Variants in COL1A2 observed in about 807,000 individuals in gnomAD.
COL1A2 encodes collagen alpha-2(I) chain.
In COL1A2, 49 loss-of-function variants were observed where a neutral mutation model predicts 174.3. The observed-to-expected ratio is 0.28, with a 90% CI of 0.22 to 0.36. The LOEUF is 0.36. Ranked by LOEUF, COL1A2 falls within the 10% of genes least tolerant of loss-of-function variation. The pLI is 1.00. For synonymous variants in COL1A2, 655 were observed against 606.6 expected (o/e 1.08, Z -1.17); for missense variants, 1,438 against 1,822.7 (o/e 0.79, Z 3.84).
intron 41 of COL1A2, chr7:94,424,743 T>C (rs564864339): frequency 2.1e-5 from 10 of 470,372 alleles, no homozygotes; most frequent in Admixed American, 1.4e-4. Context: ...TGGCATCATT[T>C]ATCCTGTAGG....
At chr7:94,410,036 A>T (rs1791886322) in intron 19 of COL1A2, among the ~76,000 whole-genome samples, 1 of 152,212 alleles carries the variant, frequency 6.6e-6, no homozygotes, top group Non-Finnish European at 1.5e-5. Context: ...CCTCAAGGTA[A>T]ATGAGGCAAA....
chr7:94,426,640 A>G (rs1792284573), intron 46 of COL1A2, 110 bp downstream of exon 46: 1 of 881,002 alleles, frequency 1.1e-6, no homozygotes, highest in Admixed American at 2.0e-5. Flanking sequence ...TATAATATCC[A>G]TTTCCCATTC....
chr7:94,408,132 CT>C (rs777270787), intron 13 of COL1A2, 50 bp from the exon 14 acceptor site: 5 of 1,591,438 alleles, frequency 3.1e-6, no homozygotes, highest in East Asian at 2.2e-5. Flanking sequence ...ATGCCTGTGA[CT>C]TTTTTTAAAT....
rs1260773764 is a variant in COL1A2 at position 94,423,464 on chromosome 7, C to T, written c.2565+346C>T. 3.4e-5 allele frequency: 12 copies of T among 357,384 alleles called. No individual in the cohort carries two copies. In the Admixed American group the frequency reaches 4.7e-4, roughly 14 times the overall value. The allele number at this position is 357,384 out of a possible 1,614,324, so 22.1% of individuals were successfully genotyped here. The stretch of plus-strand genomic sequence containing the variant: ...CTCAGTAGGCTACCAATTTCTTAAA[C>T]ATACACTGTCCAGTATTAGTGCTAC... On this transcript the variant is annotated intron_variant, in intron 40 of 51. Transcript: ENST00000297268.
intron 1 of COL1A2, 49 bp from the exon 2 acceptor site, chr7:94,397,699 G>T: frequency 9.5e-7 from 1 of 1,047,280 alleles, no homozygotes; most frequent in Non-Finnish European, 1.5e-6. Context: ...ATTGATCCAT[G>T]AAGTGATACT....
At chr7:94,412,523 TA>T in intron 24 of COL1A2, 60 bp from the exon 25 acceptor site, 1 of 1,306,290 alleles carries the variant, frequency 7.7e-7, no homozygotes, top group Non-Finnish European at 1.1e-6. Flanking sequence ...GGCAGCATCA[TA>T]AGCTTGAGGT....
At chr7:94,411,582 T>A (rs748595187) in intron 23 of COL1A2, among the ~76,000 whole-genome samples, 6 of 152,184 alleles carry the variant, frequency 3.9e-5, no homozygotes, top group Non-Finnish European at 8.8e-5. Context: ...ACACTAGCTA[T>A]GGAGAAATAA....
chr7:94,395,165 C>G (rs1393585195), intron 1 of COL1A2, 64 bp downstream of exon 1: 2 of 1,389,004 alleles, frequency 1.4e-6, no homozygotes, highest in Non-Finnish European at 2.1e-6. Flanking sequence ...GGCACCCTGC[C>G]CTGAAAAGGA....
chr7:94,417,733 G>A lies in COL1A2; in HGVS notation c.1873G>A (p.Gly625Ser), dbSNP rs193922162. 6.3e-7 allele frequency: 1 copy of A among 1,593,010 alleles called. No individual in the cohort carries two copies. The highest frequency in any genetic ancestry group is 8.6e-7 in the Non-Finnish European group (1 of 1,169,024). The change falls in exon 32 of 52, where the codon GGT (glycine) becomes AGT (serine). Residue 625 changes from glycine to serine, a missense_variant. By Grantham distance (56) the Gly-to-Ser change is moderately conservative. Coordinates refer to ENST00000297268, the MANE Select transcript of COL1A2 (RefSeq NM_000089.4). ...PGPDGNKGEP[G>S]VVGAVGTAGP... ...ATGTGTTTGACTCAAGGGTGAACCT[G>A]GTGTGGTTGGTGCTGTGGGCACTGC...
At chr7:94,398,736 G>A (rs1213736466) in intron 3 of COL1A2, among the ~76,000 whole-genome samples, 2 of 151,932 alleles carry the variant, frequency 1.3e-5, no homozygotes, top group Admixed American at 1.3e-4. Context: ...CTATATAAAT[G>A]TGCTGTTAAA....
chr7:94,421,768 G>A, intron 38 of COL1A2, 131 bp from the exon 39 acceptor site: 4 of 774,382 alleles, frequency 5.2e-6, no homozygotes, highest in Non-Finnish European at 9.1e-6. Context: ...CCTATATGAA[G>A]CTGCCTACCT....
chr7:94,407,754 T>A, intron 12 of COL1A2, 93 bp from the exon 13 acceptor site: 3 of 1,075,676 alleles, frequency 2.8e-6, no homozygotes, highest in Non-Finnish European at 4.2e-6. Flanking sequence ...AGTATATGAA[T>A]GGTTCAAAGT....
intron 1 of COL1A2, among the ~76,000 whole-genome samples, chr7:94,396,684 C>T (rs1333623770): frequency 2.0e-5 from 3 of 152,184 alleles, no homozygotes; most frequent in Non-Finnish European, 2.9e-5. Flanking sequence ...CATAATTATT[C>T]TTCCTACTGA....
At chr7:94,405,760 G>C (rs191174282) in intron 11 of COL1A2, 34 bp downstream of exon 11, 1 of 1,572,960 alleles carries the variant, frequency 6.4e-7, no homozygotes, top group Non-Finnish European at 8.8e-7. Flanking sequence ...GAGAGAAAAT[G>C]CCTATTAATT....
At chr7:94,412,711 C>T in intron 25 of COL1A2, 29 bp downstream of exon 25, 1 of 1,594,068 alleles carries the variant, frequency 6.3e-7, no homozygotes, top group African/African-American at 1.3e-5. Flanking sequence ...TTCTTACCCT[C>T]AGCACTTTCT....
At position 94,425,219 on chromosome 7, in the gene COL1A2, C is replaced by T. The variant is rs745363291; in HGVS notation, c.2776C>T (p.Arg926Cys). ...CAACGGTGCTCCTGGTGAAGCTGGT[C>T]GTGATGTGAGTCCAACACTTGGTTT... The part of the protein sequence containing the change: ...GVNGAPGEAG[R>C]DGNPGNDGPP... Residue 926 changes from arginine (R) to cysteine (C), a missense_variant, in exon 42 of 52, where the codon CGT becomes TGT. Coordinates refer to ENST00000297268, the MANE Select transcript of COL1A2 (RefSeq NM_000089.4). 1.1e-5 allele frequency: 18 copies of T among 1,613,568 alleles called. No homozygotes were observed. The highest frequency in any genetic ancestry group is 2.2e-5 in the East Asian group (1 of 44,882).
intron 1 of COL1A2, 157 bp downstream of exon 1, chr7:94,395,258 G>A (rs753456316): frequency 3.9e-6 from 3 of 769,576 alleles, no homozygotes; most frequent in South Asian, 2.7e-5. Flanking sequence ...TAAGAAACAT[G>A]GAAATTACTT....
At chr7:94,397,873 G>T (rs1791614247) in intron 2 of COL1A2, 115 bp downstream of exon 2, 12 of 642,962 alleles carry the variant, frequency 1.9e-5, no homozygotes, top group Non-Finnish European at 3.2e-5. Context: ...AGATTCCCAA[G>T]AAAATTGTGA....
intron 30 of COL1A2, 130 bp downstream of exon 30, chr7:94,415,400 G>A: frequency 1.2e-6 from 1 of 803,156 alleles, no homozygotes; most frequent in Non-Finnish European, 2.1e-6. Flanking sequence ...AATGTAATCT[G>A]TAGAAAGCAT....
Sources: gnomAD v4.1 joint callset for allele counts (sites outside exome capture counted in the v4.1 genomes callset) on GRCh38, gnomAD v4.1.1 for gene constraint, MANE v1.5 for transcripts, NCBI Gene and HGNC (gene_info 2026-07-23, HGNC 2026-07-21) for gene names.